The following OPLAH variants were observed in gnomAD, a reference collection of about 807,000 sequenced individuals.
The protein encoded by OPLAH is 5-oxoprolinase.
Under a neutral mutation model 122.8 loss-of-function variants are expected in OPLAH, and 103 were observed. The observed-to-expected ratio is 0.84, with a 90% CI of 0.71 to 0.99. OPLAH has a LOEUF of 0.99. Ranked by LOEUF, OPLAH falls within the 50% of genes least tolerant of loss-of-function variation. The probability of loss-of-function intolerance (pLI) is 0.00; values close to 1 mark genes in which losing one functional copy is unlikely to be tolerated. For missense variants in OPLAH, 1,902 were observed against 1,836.5 expected (o/e 1.04, Z -0.65); for synonymous variants, 875 against 796.0 (o/e 1.10, Z -1.67).
intron 15 of OPLAH, 42 bp downstream of exon 15, chr8:144,056,105 G>A (rs1554758941): frequency 1.3e-6 from 2 of 1,576,038 alleles, no homozygotes; most frequent in Middle Eastern, 1.9e-4. Context: ...GCCCCGCAGT[G>A]GACCCGTCCA....
rs782655847 is a variant in OPLAH, at chr8:144,056,746, G to C, written c.1716C>G (p.Ile572Met). The C allele has an allele frequency of 1.2e-6, 2 of 1,605,732 alleles. No individual in the cohort carries two copies. Among genetic ancestry groups the C allele is most frequent in the South Asian group, 1.1e-5 (1 of 90,488 alleles). ...LQAQGFPRSQISTESFLHLRY... is the reference protein window; with the variant it reads ...LQAQGFPRSQMSTESFLHLRY... ...GCAGGTGCAGGAAGCTCTCAGTGCT[G>C]ATCTGGGACCTGCAGCAGGTGGTTG... Residue 572 changes from isoleucine to methionine, a missense_variant, in exon 13 of 27, where the codon ATC (isoleucine) becomes ATG (methionine). This residue lies in a region of OPLAH where 1,726 missense variants were observed against 1,642.1 expected (regional missense o/e 1.05). Coordinates refer to ENST00000618853, the MANE Select transcript of OPLAH (RefSeq NM_017570.5).
In OPLAH at chr8:144,052,556, T is replaced by C; in HGVS notation, c.3196A>G (p.Ile1066Val). The change falls in exon 23 of 27, where the codon ATC (isoleucine) becomes GTC (valine). Residue 1066 changes from isoleucine (I) to valine (V), a missense_variant. Ile to Val is a conservative substitution (Grantham distance 29). This residue lies in a region of OPLAH where 1,726 missense variants were observed against 1,642.1 expected (regional missense o/e 1.05). Transcript: ENST00000618853. ...GCCGCCTCGGGCGACGGGTCCAGGATGGAGCCTCGGGGAATGACCACGCGC... is the reference window on the plus strand; with the variant it reads ...GCCGCCTCGGGCGACGGGTCCAGGACGGAGCCTCGGGGAATGACCACGCGC... ...PVRVVIPRGSILDPSPEAAVV... is the reference protein window; with the variant it reads ...PVRVVIPRGSVLDPSPEAAVV... 1 of 1,596,818 alleles carries C rather than the reference T, an allele frequency of 6.3e-7. No homozygotes were observed. Among genetic ancestry groups the C allele is most frequent in the East Asian group, 2.2e-5 (1 of 44,630 alleles).
Sources: gnomAD v4.1 joint callset for allele counts on GRCh38, gnomAD v4.1.1 for gene constraint, gnomAD v4.1.1 regional missense constraint, MANE v1.5 for transcripts, NCBI Gene and HGNC (gene_info 2026-07-23, HGNC 2026-07-21) for gene names.